The following ALCAM variants were observed in gnomAD, a reference collection of about 807,000 sequenced individuals.
ALCAM encodes the protein activated leukocyte cell adhesion molecule, also known as CD166 antigen.
A neutral mutation model predicts 70.9 loss-of-function variants in ALCAM; 30 were observed. That is an observed-to-expected ratio of 0.42 (90% CI 0.32 to 0.57). The LOEUF is 0.57. Ranked by LOEUF, ALCAM falls within the 20% of genes least tolerant of loss-of-function variation. The probability of loss-of-function intolerance (pLI) is 0.11; values close to 1 mark genes in which losing one functional copy is unlikely to be tolerated. For synonymous variants in ALCAM, 249 were observed against 242.5 expected (o/e 1.03, Z -0.25); for missense variants, 591 against 695.1 (o/e 0.85, Z 1.68).
chr3:105,431,288 A>T (rs971166852), intron 1 of ALCAM, among the ~76,000 whole-genome samples: 1 of 152,150 alleles, frequency 6.6e-6, no homozygotes. Context: ...GATCTGGGTT[A>T]AGTTTGGCTG....
intron 1 of ALCAM, among the ~76,000 whole-genome samples, chr3:105,449,898 T>C (rs1168236417): frequency 6.6e-6 from 1 of 152,124 alleles, no homozygotes; most frequent in Admixed American, 6.5e-5. Context: ...ATTAAATAGA[T>C]TGTTTTATCC....
At chr3:105,508,565 A>G (rs1050740763) in intron 1 of ALCAM, among the ~76,000 whole-genome samples, 1 of 152,192 alleles carries the variant, frequency 6.6e-6, no homozygotes, top group Admixed American at 6.6e-5. Context: ...ATTCAGTATT[A>G]TTACCAATTG....
At position 105,445,692 on chromosome 3, in the gene ALCAM, C is replaced by G. The variant is rs534382490; in HGVS notation, c.74-74375C>G. ...AATAAATTCATGCACTTATAGCCAACTTATTTTCAACAAAGGTGCCAAGTA... is the reference window on the plus strand; with the variant it reads ...AATAAATTCATGCACTTATAGCCAAGTTATTTTCAACAAAGGTGCCAAGTA... On this transcript the variant is annotated intron_variant, in intron 1 of 15. Transcript: ENST00000306107. Among the ~76,000 whole-genome samples the G allele has an allele frequency of 5.9e-5, 9 of 152,272 alleles. No homozygotes were observed. In the South Asian group the frequency reaches 1.9e-3, roughly 32 times the overall value.
chr3:105,514,384 T>C (rs1275258854), intron 1 of ALCAM, among the ~76,000 whole-genome samples: 1 of 151,936 alleles, frequency 6.6e-6, no homozygotes, highest in Non-Finnish European at 1.5e-5. Flanking sequence ...CCTAAACTAA[T>C]TGGGAGAAAC....
At chr3:105,518,578 A>G (rs185868952) in intron 1 of ALCAM, among the ~76,000 whole-genome samples, 243 of 152,196 alleles carry the variant, frequency 1.6e-3, no homozygotes, top group Non-Finnish European at 1.3e-3. Flanking sequence ...GTTGAATAAA[A>G]AAATTTCTTC....
intron 1 of ALCAM, among the ~76,000 whole-genome samples, chr3:105,518,906 A>T (rs1217805075): frequency 3.3e-5 from 5 of 152,094 alleles, no homozygotes; most frequent in African/African-American, 1.2e-4. Context: ...TTTGGTATAC[A>T]TGGTGATTGA....
At chr3:105,529,873 A>G (rs1158124324) in intron 3 of ALCAM, among the ~76,000 whole-genome samples, 1 of 152,130 alleles carries the variant, frequency 6.6e-6, no homozygotes, top group East Asian at 1.9e-4. Flanking sequence ...TATTAGAGAA[A>G]GAGTATGTGC....
At chr3:105,397,975 T>A (rs956629595) in intron 1 of ALCAM, among the ~76,000 whole-genome samples, 2 of 152,104 alleles carry the variant, frequency 1.3e-5, no homozygotes, top group African/African-American at 4.8e-5. Flanking sequence ...GATGCAGTGA[T>A]AAAGAAAACA....
chr3:105,422,223 C>G (rs997433508), intron 1 of ALCAM, among the ~76,000 whole-genome samples: 5 of 151,322 alleles, frequency 3.3e-5, no homozygotes, highest in Non-Finnish European at 7.4e-5. Context: ...TACCACATTT[C>G]CTTTATCCAT....
At chr3:105,545,358 C>A (rs1559829175) in intron 9 of ALCAM, 23 bp downstream of exon 9, 1 of 1,537,804 alleles carries the variant, frequency 6.5e-7, no homozygotes. Flanking sequence ...TTTGGTACTA[C>A]CCTGCTGTTT....
intron 1 of ALCAM, among the ~76,000 whole-genome samples, chr3:105,475,053 A>C (rs994171947): frequency 6.6e-6 from 1 of 151,876 alleles, no homozygotes; most frequent in Non-Finnish European, 1.5e-5. Context: ...CTCATCATAC[A>C]GTTCGAATAT....
At chr3:105,471,332 G>A (rs1189635161) in intron 1 of ALCAM, among the ~76,000 whole-genome samples, 1 of 151,276 alleles carries the variant, frequency 6.6e-6, no homozygotes, top group African/African-American at 2.4e-5. Context: ...GGAAATTTAT[G>A]GGATGGAAAA....
At chr3:105,402,744 G>C (rs778503326) in intron 1 of ALCAM, among the ~76,000 whole-genome samples, 3 of 151,966 alleles carry the variant, frequency 2.0e-5, no homozygotes, top group Non-Finnish European at 4.4e-5. Context: ...CTCTGCCCAG[G>C]AGAGGCTGAG....
chr3:105,510,346 A>T (rs1382424580), intron 1 of ALCAM, among the ~76,000 whole-genome samples: 1 of 152,062 alleles, frequency 6.6e-6, no homozygotes, highest in Non-Finnish European at 1.5e-5. Context: ...CTGTCTTAGT[A>T]TACTTGTTGC....
At chr3:105,546,909 G>T (rs1940262481) in intron 9 of ALCAM, among the ~76,000 whole-genome samples, 1 of 151,306 alleles carries the variant, frequency 6.6e-6, no homozygotes, top group Non-Finnish European at 1.5e-5. Flanking sequence ...AATTGGAATA[G>T]AACGCTTTCC....
At chr3:105,424,497 T>G (rs1288186698) in intron 1 of ALCAM, among the ~76,000 whole-genome samples, 1 of 151,736 alleles carries the variant, frequency 6.6e-6, no homozygotes, top group Non-Finnish European at 1.5e-5. Context: ...TTCATGGTGG[T>G]CTACTGAGAA....
intron 1 of ALCAM, among the ~76,000 whole-genome samples, chr3:105,453,034 C>G (rs1471010289): frequency 6.6e-6 from 1 of 152,150 alleles, no homozygotes; most frequent in Non-Finnish European, 1.5e-5. Context: ...CCTGTTCACT[C>G]TGATGATAGT....
chr3:105,392,365 G>A (rs1432788574), intron 1 of ALCAM, among the ~76,000 whole-genome samples: 8 of 151,744 alleles, frequency 5.3e-5, no homozygotes, highest in Middle Eastern at 3.2e-3. Flanking sequence ...GCATAACGGT[G>A]TTTATTGTAT....
intron 1 of ALCAM, among the ~76,000 whole-genome samples, chr3:105,432,189 T>C (rs1936951626): frequency 6.6e-6 from 1 of 152,170 alleles, no homozygotes; most frequent in Admixed American, 6.5e-5. Flanking sequence ...TTGCAAAATA[T>C]ACAACTTGCA....
Sources: gnomAD v4.1 joint callset for allele counts (sites outside exome capture counted in the v4.1 genomes callset) on GRCh38, gnomAD v4.1.1 for gene constraint, MANE v1.5 for transcripts, NCBI Gene and HGNC (gene_info 2026-07-23, HGNC 2026-07-21) for gene names.